Variants in KCNIP4 observed in about 807,000 individuals in gnomAD.
KCNIP4 encodes Kv channel-interacting protein 4.
KCNIP4 carries 12 observed loss-of-function variants against 34.0 expected under a neutral mutation model. The observed-to-expected ratio is 0.35, with a 90% confidence interval of 0.23 to 0.57. KCNIP4 has a LOEUF of 0.57. Among genes scored for constraint, KCNIP4 ranks in the 20% least tolerant of loss-of-function variants. The pLI is 0.83. For synonymous variants in KCNIP4, 124 were observed against 102.2 expected, an observed-to-expected ratio of 1.21 and a Z score of -1.29; for missense variants, 238 against 311.7, an observed-to-expected ratio of 0.76 and a Z score of 1.78.
At chr4:21,075,550 G>A (rs1371455363) in intron 1 of KCNIP4, among the ~76,000 whole-genome samples, 1 of 152,058 alleles carries the variant, frequency 6.6e-6, no homozygotes, top group Non-Finnish European at 1.5e-5. Flanking sequence ...TATGAGATGG[G>A]TCTCCTGAAT....
intron 1 of KCNIP4, among the ~76,000 whole-genome samples, chr4:21,341,471 T>A (rs887053177): frequency 6.6e-6 from 1 of 152,146 alleles, no homozygotes; most frequent in Non-Finnish European, 1.5e-5. Flanking sequence ...TTTTGATATC[T>A]TTATGCAAAA....
intron 1 of KCNIP4, among the ~76,000 whole-genome samples, chr4:21,182,425 C>A (rs767181767): frequency 6.6e-6 from 1 of 151,618 alleles, no homozygotes; most frequent in East Asian, 1.9e-4. Context: ...CTCCCCCTGT[C>A]CTTTCCTTTC....
chr4:21,452,255 G>A (rs1728573838), intron 1 of KCNIP4, among the ~76,000 whole-genome samples: 1 of 152,074 alleles, frequency 6.6e-6, no homozygotes, highest in Admixed American at 6.6e-5. Context: ...ACTTTCCGTA[G>A]ACATCTTCTA....
At chr4:21,662,507 TAGGGA>T (rs1374840576) in intron 1 of KCNIP4, among the ~76,000 whole-genome samples, 2 of 152,336 alleles carry the variant, frequency 1.3e-5, no homozygotes, top group East Asian at 3.9e-4. Flanking sequence ...AATGTAGCAT[TAGGGA>T]ATTCATCCAG....
chr4:20,847,335 C>T (rs1206715207), intron 3 of KCNIP4, among the ~76,000 whole-genome samples: 1 of 152,126 alleles, frequency 6.6e-6, no homozygotes. Context: ...ACCAGTGATT[C>T]TCAAAGTGTG....
intron 1 of KCNIP4, among the ~76,000 whole-genome samples, chr4:21,517,024 T>C (rs114243791): frequency 6.6e-6 from 1 of 152,130 alleles, no homozygotes; most frequent in Non-Finnish European, 1.5e-5. Flanking sequence ...GAAAAATGGG[T>C]ACAGCTCATC....
intron 1 of KCNIP4, among the ~76,000 whole-genome samples, chr4:20,898,221 T>G (rs1233658317): frequency 6.6e-6 from 1 of 152,180 alleles, no homozygotes; most frequent in Non-Finnish European, 1.5e-5. Context: ...TTCCTGGTTC[T>G]CCAGCTTGCA....
intron 1 of KCNIP4, among the ~76,000 whole-genome samples, chr4:21,079,151 G>A (rs1426450497): frequency 6.6e-6 from 1 of 151,988 alleles, no homozygotes; most frequent in Non-Finnish European, 1.5e-5. Flanking sequence ...GGAATGAAAG[G>A]TATCCTTTAT....
At chr4:21,753,992 A>T (rs1717330972) in intron 1 of KCNIP4, among the ~76,000 whole-genome samples, 1 of 152,158 alleles carries the variant, frequency 6.6e-6, no homozygotes, top group African/African-American at 2.4e-5. Context: ...AGAACCTAAC[A>T]GGCATTGTGC....
chr4:21,546,873 G>A (rs1407547045), intron 1 of KCNIP4, among the ~76,000 whole-genome samples: 2 of 152,006 alleles, frequency 1.3e-5, no homozygotes, highest in Non-Finnish European at 2.9e-5. Context: ...CATTCTGGAG[G>A]TTTCAAGGGG....
At chr4:21,528,692 A>T (rs1338029806) in intron 1 of KCNIP4, among the ~76,000 whole-genome samples, 2 of 1,168 alleles carry the variant, frequency 1.7e-3, no homozygotes, top group African/African-American at 6.3e-3. Context: ...AGAAAGAAAG[A>T]AAGAAAGAAA....
intron 1 of KCNIP4, among the ~76,000 whole-genome samples, chr4:21,054,802 A>G (rs1032295848): frequency 6.6e-6 from 1 of 152,006 alleles, no homozygotes; most frequent in African/African-American, 2.4e-5. Context: ...AAAATTCAAA[A>G]CTGTAAAATT....
chr4:21,444,512 C>G (rs1010327522), intron 1 of KCNIP4, among the ~76,000 whole-genome samples: 11 of 152,102 alleles, frequency 7.2e-5, no homozygotes, highest in Admixed American at 4.6e-4. Flanking sequence ...TAAACAGAAC[C>G]AATGACAAAA....
chr4:21,833,864 CTTGT>C (rs1723153405), intron 1 of KCNIP4, among the ~76,000 whole-genome samples: 1 of 152,168 alleles, frequency 6.6e-6, no homozygotes, highest in South Asian at 2.1e-4. Context: ...TTCCCCATTG[CTTGT>C]TTTTCTCAGG....
At chr4:20,877,901 C>T (rs1724234535) in intron 2 of KCNIP4, among the ~76,000 whole-genome samples, 1 of 151,936 alleles carries the variant, frequency 6.6e-6, no homozygotes, top group Non-Finnish European at 1.5e-5. Flanking sequence ...CCACAGCTAC[C>T]TCAATTGTGA....
rs10552321 is a variant in KCNIP4 at position 20,805,186 on chromosome 4, CTTTTTTTTTT to C, written c.288+45347_288+45356del. Reference sequence around the variant, plus strand: ...AAGCAGAAAATATCATAGATGCTTCCTTTTTTTTTTTTTTTTTTTTTTTTTTTTTTAAAGA... The same window carrying C: ...AAGCAGAAAATATCATAGATGCTTCCTTTTTTTTTTTTTTTTTTTTAAAGA... On this transcript the variant is annotated intron_variant, in intron 3 of 8. Transcript: ENST00000382152. Among the ~76,000 whole-genome samples, 5 of 92,118 alleles carry C rather than the reference CTTTTTTTTTT, an allele frequency of 5.4e-5. No individual in the cohort carries two copies. The East Asian group carries it at 9.9e-4, about 18-fold the overall frequency. 60.4% of individuals were successfully genotyped at this position (92,118 alleles called of 152,430 possible). A position where few individuals can be genotyped will look rare whatever the true frequency, so the allele number is the denominator to read the frequency against.
At chr4:20,745,738 T>C (rs551333335) in intron 5 of KCNIP4, among the ~76,000 whole-genome samples, 1 of 152,294 alleles carries the variant, frequency 6.6e-6, no homozygotes, top group East Asian at 1.9e-4. Context: ...GTGGATTCTG[T>C]TCATCTGCCA....
At chr4:20,940,007 G>A (rs917716835) in intron 1 of KCNIP4, among the ~76,000 whole-genome samples, 6 of 152,090 alleles carry the variant, frequency 3.9e-5, no homozygotes, top group Non-Finnish European at 8.8e-5. Context: ...AAATGACTAC[G>A]TCATTCCACT....
At chr4:21,723,807 C>A (rs1280471351) in intron 1 of KCNIP4, among the ~76,000 whole-genome samples, 1 of 152,038 alleles carries the variant, frequency 6.6e-6, no homozygotes, top group Non-Finnish European at 1.5e-5. Context: ...CTATTTAATA[C>A]AAATGAGTCT....
Sources: gnomAD v4.1 joint callset for allele counts (sites outside exome capture counted in the v4.1 genomes callset) on GRCh38, gnomAD v4.1.1 for gene constraint, MANE v1.5 for transcripts, NCBI Gene and HGNC (gene_info 2026-07-23, HGNC 2026-07-21) for gene names.